Variants in GABRG2 observed in about 807,000 individuals in gnomAD.
GABRG2 encodes gamma-aminobutyric acid type A receptor subunit gamma2.
GABRG2 carries 16 observed loss-of-function variants against 56.4 expected under a neutral mutation model. That is an observed-to-expected ratio of 0.28 (90% CI 0.19 to 0.43). The LOEUF is 0.43. GABRG2 is among the 20% of genes least tolerant of loss of function. The pLI is 1.00. For synonymous variants in GABRG2, 208 were observed against 205.5 expected, an observed-to-expected ratio of 1.01 and a Z score of -0.10; for missense variants, 327 against 582.7, an observed-to-expected ratio of 0.56 and a Z score of 4.52.
At chr5:162,134,065 A>G (rs1456086432) in intron 6 of GABRG2, among the ~76,000 whole-genome samples, 1 of 152,178 alleles carries the variant, frequency 6.6e-6, no homozygotes, top group African/African-American at 2.4e-5. Flanking sequence ...TTGACATTCA[A>G]CAATTAGTCA....
chr5:162,109,042 C>G (rs960086153), intron 6 of GABRG2, among the ~76,000 whole-genome samples: 2 of 151,968 alleles, frequency 1.3e-5, no homozygotes, highest in African/African-American at 4.8e-5. Context: ...CACATATACA[C>G]CATGGAATAC....
intron 6 of GABRG2, among the ~76,000 whole-genome samples, chr5:162,139,537 A>G (rs1282422590): frequency 6.6e-6 from 1 of 152,198 alleles, no homozygotes; most frequent in Non-Finnish European, 1.5e-5. Context: ...TTACCTTATA[A>G]TAGAAATTGG....
intron 6 of GABRG2, among the ~76,000 whole-genome samples, chr5:162,121,784 A>G (rs1225443190): frequency 6.6e-6 from 1 of 152,054 alleles, no homozygotes; most frequent in African/African-American, 2.4e-5. Flanking sequence ...GAAGCATTTG[A>G]AATGAATCTT....
intron 1 of GABRG2, among the ~76,000 whole-genome samples, chr5:162,090,904 C>G (rs1760523603): frequency 6.6e-6 from 1 of 152,090 alleles, no homozygotes; most frequent in South Asian, 2.1e-4. Context: ...AATGTTTCAT[C>G]TAATGGTAAG....
At position 162,153,353 on chromosome 5, in the gene GABRG2, C is replaced by T. The variant is rs765926862; in HGVS notation, c.1413C>T (p.Ser471=). ...FCLFNLVYWV[S]YLYL is the part of the protein sequence containing the mutation. ...TGTTTAATCTGGTCTATTGGGTCTC[C>T]TACCTCTACCTGTGAGGAGGTATGG... The change falls in exon 10 of 10, where the codon TCC becomes TCT. Residue 471 remains serine (S), a synonymous_variant. Coordinates refer to ENST00000639213, the MANE Select transcript of GABRG2 (RefSeq NM_198904.4). 6 of 1,613,818 alleles carry T rather than the reference C, an allele frequency of 3.7e-6. No individual in the cohort carries two copies. The highest frequency in any genetic ancestry group is 4.2e-6 in the Non-Finnish European group (5 of 1,179,872).
At chr5:162,088,944 A>T in intron 1 of GABRG2, among the ~76,000 whole-genome samples, 1 of 152,134 alleles carries the variant, frequency 6.6e-6, no homozygotes, top group Non-Finnish European at 1.5e-5. Context: ...ATTCCCACAA[A>T]TCTTCATTGA....
At chr5:162,128,440 C>T (rs1353547897) in intron 6 of GABRG2, 2 of 151,984 alleles carry the variant, frequency 1.3e-5, no homozygotes, top group African/African-American at 4.8e-5. Context: ...TTTTACATAA[C>T]AGCATGCCAC....
chr5:162,083,585 T>C (rs1759827832), intron 1 of GABRG2: 2 of 167,274 alleles, frequency 1.2e-5, no homozygotes, highest in Admixed American at 6.5e-5. Context: ...CAATATCAAG[T>C]TGGAGATCCT....
In GABRG2 at chr5:162,068,089, G is replaced by C. The variant is rs115976622; in HGVS notation, c.90G>C (p.Leu30=). The C allele has an allele frequency of 2.5e-6, 4 of 1,612,716 alleles. No individual in the cohort carries two copies. Among genetic ancestry groups the C allele is most frequent in the Non-Finnish European group, 3.4e-6 (4 of 1,179,196 alleles). Residue 30 remains leucine, a synonymous_variant, in exon 1 of 10, where the codon CTG becomes CTC. Coordinates refer to ENST00000639213, the MANE Select transcript of GABRG2 (RefSeq NM_198904.4). ...AAATGACGGTGTGGATTCTGCTCCT[G>C]CTGTCGCTCTACCCTGGGTAAGATG... ...SQKMTVWILL[L]LSLYPGFTSQ...
intron 1 of GABRG2, among the ~76,000 whole-genome samples, chr5:162,082,130 A>G (rs2113205540): frequency 6.6e-6 from 1 of 151,908 alleles, no homozygotes; most frequent in South Asian, 2.1e-4. Context: ...ACTACTGGTG[A>G]TTATGTACCC....
intron 6 of GABRG2, among the ~76,000 whole-genome samples, chr5:162,127,611 C>A (rs951572151): frequency 8.6e-5 from 13 of 151,852 alleles, no homozygotes; most frequent in African/African-American, 3.1e-4. Flanking sequence ...GGATATGATC[C>A]TATCCTCCTA....
chr5:162,080,510 G>T (rs1453210434), intron 1 of GABRG2, among the ~76,000 whole-genome samples: 1 of 152,140 alleles, frequency 6.6e-6, no homozygotes, highest in African/African-American at 2.4e-5. Flanking sequence ...GATTGAGAAT[G>T]AAAAAGTCTA....
intron 1 of GABRG2, among the ~76,000 whole-genome samples, chr5:162,078,686 T>C (rs1759398352): frequency 6.6e-6 from 1 of 151,678 alleles, no homozygotes; most frequent in African/African-American, 2.4e-5. Context: ...ATTACAGGTA[T>C]GAGCCACCGT....
chr5:162,083,929 T>A (rs944896992), intron 1 of GABRG2, among the ~76,000 whole-genome samples: 2 of 151,906 alleles, frequency 1.3e-5, no homozygotes, highest in Non-Finnish European at 2.9e-5. Context: ...AGTAAAATTA[T>A]TTTATTTAAT....
In GABRG2 at chr5:162,135,408, T is replaced by C. The variant is rs144441910; in HGVS notation, c.770-6756T>C. On this transcript the variant is annotated intron_variant, in intron 6 of 9. Transcript: ENST00000639213. ...CTTTTGGTGTATAGCTCATCTAGAA[T>C]TTTCTTCATGTCATACAGAGCTAAA... Among the ~76,000 whole-genome samples, 681 of 152,304 alleles carry C rather than the reference T, an allele frequency of 4.5e-3. 4 individuals are homozygous for C. Among genetic ancestry groups the C allele is most frequent in the African/African-American group, 0.016 (648 of 41,558 alleles).
intron 6 of GABRG2, among the ~76,000 whole-genome samples, chr5:162,130,916 A>G (rs949628797): frequency 2.6e-5 from 4 of 151,996 alleles, no homozygotes; most frequent in Admixed American, 2.0e-4. Flanking sequence ...TGAGGTCATC[A>G]TCTAAACAGT....
chr5:162,094,123 C>T lies in GABRG2; in HGVS notation c.259+144C>T, dbSNP rs1760822533. ...TGTTGTAAAAGTAGTGTTTAAATAG[C>T]ATTCAGGCCTATGAGTGGGAGAGGT... On this transcript the variant is annotated intron_variant, in intron 2 of 9. Coordinates refer to ENST00000639213, the MANE Select transcript of GABRG2 (RefSeq NM_198904.4). 7 of 854,860 alleles carry T rather than the reference C, an allele frequency of 8.2e-6. No homozygotes were observed. In the Admixed American group the frequency reaches 1.3e-4, roughly 15 times the overall value. 53.0% of individuals were successfully genotyped at this position (854,860 alleles called of 1,614,324 possible).
intron 6 of GABRG2, among the ~76,000 whole-genome samples, chr5:162,115,052 A>G (rs774197401): frequency 8.5e-5 from 13 of 152,206 alleles, no homozygotes; most frequent in Admixed American, 1.3e-4. Flanking sequence ...GAAGATCTAC[A>G]TAGTTAATGT....
intron 6 of GABRG2, among the ~76,000 whole-genome samples, chr5:162,130,130 G>A (rs1442217299): frequency 6.6e-6 from 1 of 151,868 alleles, no homozygotes; most frequent in Non-Finnish European, 1.5e-5. Flanking sequence ...TATTGGCAAT[G>A]ATTTTTAACA....
Sources: allele counts gnomAD v4.1 joint callset (sites outside exome capture counted in the v4.1 genomes callset), GRCh38; gene constraint gnomAD v4.1.1; transcripts MANE v1.5; gene names NCBI Gene and HGNC (gene_info 2026-07-23, HGNC 2026-07-21).